DDX10: variants seen among roughly 807,000 people sequenced by gnomAD.
DDX10 encodes the protein probable ATP-dependent RNA helicase DDX10.
Under a neutral mutation model 104.3 loss-of-function variants are expected in DDX10, and 74 were observed. That is an observed-to-expected ratio of 0.71 (90% CI 0.59 to 0.86). DDX10 has a LOEUF of 0.86. Among genes scored for constraint, DDX10 ranks in the 40% least tolerant of loss-of-function variants. The pLI is 0.00. For synonymous variants in DDX10, 351 were observed against 353.4 expected (o/e 0.99, Z 0.08); for missense variants, 952 against 1,040.0 (o/e 0.92, Z 1.16).
chr11:108,706,898 A>G, intron 10 of DDX10, 61 bp downstream of exon 10: 13 of 1,377,764 alleles, frequency 9.4e-6, no homozygotes, highest in Non-Finnish European at 1.3e-5. Flanking sequence ...TTGTTTGCTT[A>G]ATTATGTGCA....
chr11:108,866,773 G>T (rs552318729), intron 16 of DDX10, among the ~76,000 whole-genome samples: 2 of 152,208 alleles, frequency 1.3e-5, no homozygotes, highest in Admixed American at 1.3e-4. Context: ...GAGGGACCTG[G>T]GGCTTAAGTA....
chr11:108,813,404 G>T (rs1862213452), intron 13 of DDX10, among the ~76,000 whole-genome samples: 1 of 152,088 alleles, frequency 6.6e-6, no homozygotes, highest in Admixed American at 6.6e-5. Flanking sequence ...TCTGGGAACT[G>T]TCCAATTGGG....
At position 108,718,808 on chromosome 11, in the gene DDX10, G is replaced by A. The variant is rs146097655; in HGVS notation, c.1411-989G>A. Among the ~76,000 whole-genome samples, 473 of 152,296 alleles carry A rather than the reference G, an allele frequency of 3.1e-3. 2 individuals carry two copies. Among genetic ancestry groups the A allele is most frequent in the African/African-American group, 0.011 (453 of 41,554 alleles). On this transcript the variant is annotated intron_variant, in intron 11 of 17. Coordinates refer to ENST00000322536, the MANE Select transcript of DDX10 (RefSeq NM_004398.4). ...AGAACAAAAGTGATAAGCAACTGAG[G>A]TGATTGCTTGTGGATGATTGTAGGG...
chr11:108,705,979 C>CT lies in DDX10; in HGVS notation c.1224-750dup, dbSNP rs925791528. ...TTTACTTGAACAGTTCTATTTCTTT[C>CT]TTTTTTTTTTGAGACGGAATCTTGC... On this transcript the variant is annotated intron_variant, in intron 9 of 17. Transcript: ENST00000322536. 4.4e-4 allele frequency among the ~76,000 whole-genome samples: 66 copies of CT among 148,868 alleles called. 1 individual carries two copies. The South Asian group carries it at 0.01, about 24-fold the overall frequency.
At chr11:108,695,698 A>G (rs1230600916) in intron 9 of DDX10, among the ~76,000 whole-genome samples, 1 of 151,460 alleles carries the variant, frequency 6.6e-6, no homozygotes, top group Non-Finnish European at 1.5e-5. Context: ...CTAGCAAGAA[A>G]TAGATCTTCT....
chr11:108,727,715 T>C (rs1003299730), intron 13 of DDX10: 2 of 157,044 alleles, frequency 1.3e-5, no homozygotes, highest in African/African-American at 4.8e-5. Context: ...TTTAAAATGT[T>C]AACTACTAAG....
At chr11:108,703,504 A>G (rs1361390692) in intron 9 of DDX10, among the ~76,000 whole-genome samples, 1 of 151,982 alleles carries the variant, frequency 6.6e-6, no homozygotes, top group Non-Finnish European at 1.5e-5. Context: ...TAAGTTTTGT[A>G]TTTTTAGTAG....
chr11:108,924,984 T>C (rs1435786169), intron 17 of DDX10, among the ~76,000 whole-genome samples: 1 of 152,226 alleles, frequency 6.6e-6, no homozygotes, highest in Non-Finnish European at 1.5e-5. Context: ...GTGAATTTAT[T>C]GTGTGCCTGC....
intron 13 of DDX10, among the ~76,000 whole-genome samples, chr11:108,818,166 C>T (rs1040133383): frequency 6.6e-6 from 1 of 152,200 alleles, no homozygotes. Flanking sequence ...ATGCATGCTT[C>T]TGAGTAAGGT....
intron 13 of DDX10, among the ~76,000 whole-genome samples, chr11:108,733,751 T>G (rs2094315111): frequency 6.6e-6 from 1 of 152,158 alleles, no homozygotes; most frequent in Non-Finnish European, 1.5e-5. Context: ...TACCTCATTC[T>G]TGGCTCGGGG....
chr11:108,665,378 C>T, intron 1 of DDX10, 39 bp downstream of exon 1: 8 of 1,512,810 alleles, frequency 5.3e-6, no homozygotes, highest in Non-Finnish European at 7.1e-6. Flanking sequence ...GGCCGGCCAG[C>T]AGCGGGGCAG....
chr11:108,768,969 G>C (rs73556772), intron 13 of DDX10, among the ~76,000 whole-genome samples: 2,717 of 152,218 alleles, frequency 0.018, 76 homozygotes, highest in African/African-American at 0.062. Flanking sequence ...GTTTTGCTCT[G>C]AAATGTTGAT....
intron 13 of DDX10, among the ~76,000 whole-genome samples, chr11:108,803,258 A>AT (rs1862049137): frequency 3.4e-5 from 3 of 89,070 alleles, no homozygotes; most frequent in Non-Finnish European, 5.5e-5. Context: ...ACCTAGTAGC[A>AT]ATTTTTTTTT....
intron 13 of DDX10, among the ~76,000 whole-genome samples, chr11:108,732,369 G>T (rs1253314375): frequency 1.3e-5 from 2 of 152,134 alleles, no homozygotes; most frequent in Non-Finnish European, 2.9e-5. Context: ...CTCTGCTGTC[G>T]TGCCTACCAT....
intron 16 of DDX10, among the ~76,000 whole-genome samples, chr11:108,884,033 C>T (rs1443625167): frequency 1.3e-5 from 2 of 152,142 alleles, no homozygotes; most frequent in Non-Finnish European, 2.9e-5. Flanking sequence ...CCATTTTCAG[C>T]CTTTAAATAT....
intron 13 of DDX10, among the ~76,000 whole-genome samples, chr11:108,835,489 G>C (rs778588057): frequency 6.6e-6 from 1 of 152,228 alleles, no homozygotes; most frequent in Non-Finnish European, 1.5e-5. Context: ...AGGGCCTTGA[G>C]TGAGTTGTCC....
At chr11:108,864,314 G>A (rs1862978439) in intron 16 of DDX10, among the ~76,000 whole-genome samples, 1 of 152,006 alleles carries the variant, frequency 6.6e-6, no homozygotes, top group African/African-American at 2.4e-5. Context: ...AATCATTGGG[G>A]TAGGGGACTT....
chr11:108,886,203 G>T (rs1055100377), intron 16 of DDX10, among the ~76,000 whole-genome samples: 1 of 152,138 alleles, frequency 6.6e-6, no homozygotes, highest in East Asian at 1.9e-4. Flanking sequence ...TCTGTAGGTG[G>T]GAAGTAGCAT....
Position 108,940,300 on chromosome 11 carries a change from C to T in DDX10, c.2505C>T (p.Asp835=), listed in dbSNP as rs141057339. The change falls in exon 18 of 18, where the codon GAC becomes GAT. Residue 835 remains aspartate (D), a synonymous_variant. Coordinates refer to ENST00000322536, the MANE Select transcript of DDX10 (RefSeq NM_004398.4). Reference sequence around the variant, plus strand: ...AGAGGAGCAACAGTGAAGTGGAAGACGTGGGACCAACAAGTCATAACAGAA... The same window carrying T: ...AGAGGAGCAACAGTGAAGTGGAAGATGTGGGACCAACAAGTCATAACAGAA... ...MKKRSNSEVE[D]VGPTSHNRKK... 192 of 1,613,970 alleles carry T rather than the reference C, an allele frequency of 1.2e-4. No individual in the cohort carries two copies. In the African/African-American group the frequency reaches 2.0e-3, roughly 17 times the overall value.
Sources: allele counts gnomAD v4.1 joint callset (sites outside exome capture counted in the v4.1 genomes callset), GRCh38; gene constraint gnomAD v4.1.1; transcripts MANE v1.5; gene names NCBI Gene and HGNC (gene_info 2026-07-23, HGNC 2026-07-21).